Variants in MGAT4A observed in about 807,000 individuals in gnomAD.
The protein encoded by MGAT4A is N-acetylglucosaminyltransferase IVa.
A neutral mutation model predicts 74.1 loss-of-function variants in MGAT4A; 33 were observed. That is an observed-to-expected ratio of 0.45 (90% CI 0.34 to 0.60). MGAT4A has a LOEUF of 0.60. Among genes scored for constraint, MGAT4A ranks in the 20% least tolerant of loss-of-function variants. The probability of loss-of-function intolerance (pLI) is 0.02; values close to 1 mark genes in which losing one functional copy is unlikely to be tolerated. For synonymous variants in MGAT4A, 198 were observed against 210.4 expected, an observed-to-expected ratio of 0.94 and a Z score of 0.51; for missense variants, 479 against 628.3, an observed-to-expected ratio of 0.76 and a Z score of 2.54.
At chr2:98,705,671 C>T (rs999275915) in intron 2 of MGAT4A, among the ~76,000 whole-genome samples, 12 of 152,168 alleles carry the variant, frequency 7.9e-5, no homozygotes, top group Non-Finnish European at 1.8e-4. Flanking sequence ...AGGCCGGGCG[C>T]GGTGGCTCAC....
chr2:98,680,545 T>C (rs2104292410), intron 2 of MGAT4A, among the ~76,000 whole-genome samples: 1 of 152,286 alleles, frequency 6.6e-6, no homozygotes, highest in African/African-American at 2.4e-5. Flanking sequence ...TTAACTGCCA[T>C]GCTTCACTAC....
intron 12 of MGAT4A, among the ~76,000 whole-genome samples, chr2:98,637,788 G>C (rs774025019): frequency 1.3e-5 from 2 of 152,178 alleles, no homozygotes; most frequent in Non-Finnish European, 2.9e-5. Context: ...AATGCAGACA[G>C]TCCCATCTAC....
At chr2:98,656,195 CTACAT>C (rs1701658235) in intron 7 of MGAT4A, 152 bp downstream of exon 7, 1 of 584,058 alleles carries the variant, frequency 1.7e-6, no homozygotes, top group Non-Finnish European at 3.0e-6. Flanking sequence ...TAAGAAAACT[CTACAT>C]TATTTCCAAG....
rs923312521 is a variant in MGAT4A at position 98,663,098 on chromosome 2, T to C, written c.485A>G (p.Asn162Ser). Residue 162 changes from asparagine to serine, a missense_variant, in exon 5 of 16, where the codon AAC becomes AGC. This residue lies in a region of MGAT4A where 205 missense variants were observed against 232.7 expected (regional missense o/e 0.88). Transcript: ENST00000393487. ...GTCCAACTTCTCTTCAGGATACAGG[T>C]TATCAATAAGGGAATGAAGAGTTTC... is the stretch of plus-strand genomic sequence containing the variant. ...LIETLHSLID[N>S]LYPEEKLDCV... is the part of the protein sequence containing the mutation. The C allele has an allele frequency of 6.2e-7, 1 of 1,601,696 alleles. No homozygotes were observed. Among genetic ancestry groups the C allele is most frequent in the Admixed American group, 1.7e-5 (1 of 59,720 alleles).
chr2:98,688,763 C>A (rs1702160447), intron 2 of MGAT4A, among the ~76,000 whole-genome samples: 1 of 152,152 alleles, frequency 6.6e-6, no homozygotes, highest in African/African-American at 2.4e-5. Flanking sequence ...CCAGCTGACA[C>A]CTCAGTGTAT....
At chr2:98,708,873 G>T (rs370148702) in intron 2 of MGAT4A, among the ~76,000 whole-genome samples, 20 of 152,176 alleles carry the variant, frequency 1.3e-4, no homozygotes, top group African/African-American at 4.1e-4. Context: ...ATACAGTTTT[G>T]TAAAAAGTAT....
At chr2:98,703,351 G>A (rs182061718) in intron 2 of MGAT4A, among the ~76,000 whole-genome samples, 1 of 152,008 alleles carries the variant, frequency 6.6e-6, no homozygotes, top group Admixed American at 6.6e-5. Context: ...CGAGTCTGAA[G>A]AACAGAGAGA....
intron 2 of MGAT4A, among the ~76,000 whole-genome samples, chr2:98,718,587 G>A (rs1006430773): frequency 6.6e-6 from 1 of 152,162 alleles, no homozygotes; most frequent in Non-Finnish European, 1.5e-5. Flanking sequence ...CAGCAGCCAA[G>A]AACACAGGGC....
Position 98,678,486 on chromosome 2 carries a change from A to T in MGAT4A, c.95-15T>A. ...AATCAGTTTTTCTAGAAGCAAAACC[A>T]AAACAGTTATAGTATATGTCTTAAA... On this transcript the variant is annotated splice_polypyrimidine_tract_variant and intron_variant, in intron 2 of 15. Transcript: ENST00000393487. The T allele has an allele frequency of 1.3e-6, 2 of 1,549,630 alleles. No homozygotes were observed. The highest frequency in any genetic ancestry group is 1.8e-6 in the Non-Finnish European group (2 of 1,136,488).
In MGAT4A at chr2:98,675,069, T is replaced by C; in HGVS notation, c.369A>G (p.Gln123=). 1 of 1,611,570 alleles carries C rather than the reference T, an allele frequency of 6.2e-7. No homozygotes were observed. ...PHLLKNEGSL[Q]PAVQIGNGRT... ...TTCCGTTGCCAATCTGTACAGCAGG[T>C]TGAAGACTTCCTTCATTTTTCAATA... Residue 123 remains glutamine (Q), a synonymous_variant, in exon 4 of 16, where the codon CAA becomes CAG. Transcript: ENST00000393487.
At chr2:98,632,471 A>G (rs940579366) in intron 14 of MGAT4A, among the ~76,000 whole-genome samples, 4 of 152,210 alleles carry the variant, frequency 2.6e-5, no homozygotes, top group Non-Finnish European at 4.4e-5. Context: ...TAAACTTTCC[A>G]CTGGGATCCA....
chr2:98,633,799 G>A (rs1458776983), intron 14 of MGAT4A, among the ~76,000 whole-genome samples: 1 of 152,170 alleles, frequency 6.6e-6, no homozygotes, highest in Non-Finnish European at 1.5e-5. Flanking sequence ...ACCATTTTCA[G>A]AAATTTAATA....
chr2:98,692,874 A>G (rs1454775837), intron 2 of MGAT4A, among the ~76,000 whole-genome samples: 1 of 152,210 alleles, frequency 6.6e-6, no homozygotes, highest in African/African-American at 2.4e-5. Context: ...TTAGTGACAC[A>G]TGACTGTACT....
chr2:98,632,952 G>A (rs1332619965), intron 14 of MGAT4A, among the ~76,000 whole-genome samples: 3 of 152,160 alleles, frequency 2.0e-5, no homozygotes, highest in Admixed American at 6.5e-5. Flanking sequence ...TAGAGATAGG[G>A]TTTCACCATG....
intron 2 of MGAT4A, among the ~76,000 whole-genome samples, chr2:98,698,812 A>G (rs1702311418): frequency 6.6e-6 from 1 of 152,156 alleles, no homozygotes; most frequent in African/African-American, 2.4e-5. Context: ...AAAAAATTCC[A>G]TGCATCCTTC....
At chr2:98,681,922 G>A (rs922511319) in intron 2 of MGAT4A, among the ~76,000 whole-genome samples, 2 of 152,202 alleles carry the variant, frequency 1.3e-5, no homozygotes, top group African/African-American at 4.8e-5. Flanking sequence ...CAGAAAGGCA[G>A]TGGAGAGGCC....
In MGAT4A at chr2:98,625,722, C is replaced by T. The variant is rs1407137819; in HGVS notation, c.1581+1G>A. ...GTTTCACTGATTTGATATATGCTTA[C>T]CTCATTAAGAATGGCCCAAACAGCA... On this transcript the variant is annotated splice_donor_variant, in intron 15 of 15. Transcript: ENST00000393487. LOFTEE classifies it high-confidence loss of function. 6.2e-7 allele frequency: 1 copy of T among 1,606,484 alleles called. No individual in the cohort carries two copies. Among genetic ancestry groups the T allele is most frequent in the Non-Finnish European group, 8.5e-7 (1 of 1,173,938 alleles).
intron 2 of MGAT4A, among the ~76,000 whole-genome samples, chr2:98,724,039 T>G (rs1702725003): frequency 6.6e-6 from 1 of 152,242 alleles, no homozygotes; most frequent in Admixed American, 6.5e-5. Flanking sequence ...TGTTATTGTT[T>G]CTATCTAACT....
At chr2:98,652,431 C>T (rs548452059) in intron 8 of MGAT4A, among the ~76,000 whole-genome samples, 1 of 151,066 alleles carries the variant, frequency 6.6e-6, no homozygotes, top group Non-Finnish European at 1.5e-5. Flanking sequence ...CCCGGGTTCA[C>T]GCCATTCTCC....
Sources: gnomAD v4.1 joint callset for allele counts (sites outside exome capture counted in the v4.1 genomes callset) on GRCh38, gnomAD v4.1.1 for gene constraint, gnomAD v4.1.1 regional missense constraint, MANE v1.5 for transcripts, NCBI Gene and HGNC (gene_info 2026-07-23, HGNC 2026-07-21) for gene names.